MARCHF1: variants seen among roughly 807,000 people sequenced by gnomAD.
MARCHF1 encodes the protein E3 ubiquitin-protein ligase MARCHF1.
In MARCHF1, 40 loss-of-function variants were observed where a neutral mutation model predicts 54.2. That is an observed-to-expected ratio of 0.74 (90% confidence interval 0.57 to 0.96). The LOEUF (loss-of-function observed/expected upper bound fraction) is 0.96. MARCHF1 is among the 40% of genes least tolerant of loss of function. MARCHF1 has a pLI of 0.00. For synonymous variants in MARCHF1, 236 were observed against 236.3 expected, an observed-to-expected ratio of 1.00 and a Z score of 0.01; for missense variants, 586 against 656.5, an observed-to-expected ratio of 0.89 and a Z score of 1.17.
rs1201029767 is a variant in MARCHF1 at position 163,796,290 on chromosome 4, G to A, written c.111+57731C>T. Reference sequence around the variant, plus strand: ...CACACAGGCTGGAGTGCAGTGGCACGATCACAGCTAACTGCAACCTCCGCC... The same window carrying A: ...CACACAGGCTGGAGTGCAGTGGCACAATCACAGCTAACTGCAACCTCCGCC... On this transcript the variant is annotated intron_variant, in intron 4 of 9. Coordinates refer to ENST00000514618, the MANE Select transcript of MARCHF1 (RefSeq NM_001394959.1). Among the ~76,000 whole-genome samples, 4 of 136,526 alleles carry A rather than the reference G, an allele frequency of 2.9e-5. No individual in the cohort carries two copies. In the Admixed American group the frequency reaches 3.3e-4, roughly 11 times the overall value. The allele number at this position is 136,526 out of a possible 152,430, so 89.6% of individuals were successfully genotyped here.
chr4:164,277,097 C>T (rs1007945868), intron 1 of MARCHF1, among the ~76,000 whole-genome samples: 56 of 151,726 alleles, frequency 3.7e-4, no homozygotes, highest in African/African-American at 1.4e-3. Context: ...GGCTTTTGAA[C>T]CATTTGTTCC....
chr4:163,593,809 A>C (rs79081515), intron 7 of MARCHF1, among the ~76,000 whole-genome samples: 5,441 of 152,320 alleles, frequency 0.036, 323 homozygotes, highest in African/African-American at 0.12. Context: ...AGTACAAAAT[A>C]CTGATGTTTT....
rs991092973 is a variant in MARCHF1 at position 163,892,833 on chromosome 4, G to A, written c.-38-38664C>T. ...TAGTTATAGATGCTGACATAGACAA[G>A]AGGCTCCAGGGTTAGAGACAAATGG... On this transcript the variant is annotated intron_variant, in intron 3 of 9. Transcript: ENST00000514618. Among the ~76,000 whole-genome samples the A allele has an allele frequency of 6.4e-4, 97 of 152,164 alleles. 1 individual carries two copies. Among genetic ancestry groups the A allele is most frequent in the African/African-American group, 2.2e-3 (91 of 41,538 alleles).
chr4:164,244,842 A>G (rs1408536791), intron 1 of MARCHF1, among the ~76,000 whole-genome samples: 2 of 152,008 alleles, frequency 1.3e-5, no homozygotes, highest in African/African-American at 2.4e-5. Flanking sequence ...CTACGCAAAT[A>G]AACTAGAAAA....
rs4234967 is a variant in MARCHF1 at position 164,303,918 on chromosome 4, G to C, written c.-323+79952C>G. On this transcript the variant is annotated intron_variant, in intron 1 of 9. Coordinates refer to ENST00000514618, the MANE Select transcript of MARCHF1 (RefSeq NM_001394959.1). ...CCCCTATGGGCATTATTGGGTAATCGACACTCCGAGTGATGAATCCAAATA... is the reference window on the plus strand; with the variant it reads ...CCCCTATGGGCATTATTGGGTAATCCACACTCCGAGTGATGAATCCAAATA... Among the ~76,000 whole-genome samples the C allele has an allele frequency of 2.4e-3, 372 of 152,070 alleles. 1 individual carries two copies. The highest frequency in any genetic ancestry group is 8.3e-3 in the African/African-American group (344 of 41,478).
chr4:163,581,800 T>C (rs982096932), intron 8 of MARCHF1, among the ~76,000 whole-genome samples: 5 of 152,208 alleles, frequency 3.3e-5, no homozygotes, highest in African/African-American at 7.2e-5. Context: ...CTATGAACTT[T>C]CCAATTTTCA....
chr4:164,240,728 A>G (rs980496886), intron 1 of MARCHF1, among the ~76,000 whole-genome samples: 6 of 152,110 alleles, frequency 3.9e-5, no homozygotes, highest in African/African-American at 1.2e-4. Flanking sequence ...CATGGGACAA[A>G]CTGACTATGG....
At chr4:163,553,169 A>G (rs916347385) in intron 8 of MARCHF1, among the ~76,000 whole-genome samples, 2 of 152,242 alleles carry the variant, frequency 1.3e-5, no homozygotes, top group South Asian at 4.1e-4. Flanking sequence ...GGTGATTAGA[A>G]TAGAACCTAC....
At chr4:164,124,023 G>T (rs946504351) in intron 1 of MARCHF1, among the ~76,000 whole-genome samples, 12 of 151,828 alleles carry the variant, frequency 7.9e-5, no homozygotes, top group Non-Finnish European at 1.8e-4. Context: ...ATTAATAACA[G>T]AATATACAAG....
chr4:164,227,731 A>C (rs1046704643), intron 1 of MARCHF1, among the ~76,000 whole-genome samples: 8 of 152,114 alleles, frequency 5.3e-5, no homozygotes, highest in African/African-American at 1.7e-4. Flanking sequence ...TTAAAAAAAA[A>C]CTATATGTTT....
At chr4:163,930,456 G>A (rs544028441) in intron 3 of MARCHF1, among the ~76,000 whole-genome samples, 107 of 150,886 alleles carry the variant, frequency 7.1e-4, no homozygotes, top group African/African-American at 2.4e-3. Context: ...AAGGACTTGT[G>A]GTTTGGGCCT....
intron 9 of MARCHF1, among the ~76,000 whole-genome samples, chr4:163,537,554 C>G (rs1738579043): frequency 6.6e-6 from 1 of 152,138 alleles, no homozygotes; most frequent in Admixed American, 6.6e-5. Context: ...TTATCTGAGG[C>G]CCAAGAACCC....
chr4:163,648,314 T>G (rs550923549), intron 5 of MARCHF1, among the ~76,000 whole-genome samples: 1 of 151,992 alleles, frequency 6.6e-6, no homozygotes, highest in South Asian at 2.1e-4. Flanking sequence ...TTCAAGATAT[T>G]AGGCTTGATT....
At chr4:163,599,419 TAC>T (rs35573046) in intron 7 of MARCHF1, among the ~76,000 whole-genome samples, 137,915 of 151,434 alleles carry the variant, frequency 0.91, 62,789 homozygotes, top group Admixed American at 0.94. Flanking sequence ...AAAACACACA[TAC>T]ACACACACAC....
At chr4:163,747,232 A>G (rs1746388979) in intron 4 of MARCHF1, among the ~76,000 whole-genome samples, 1 of 152,212 alleles carries the variant, frequency 6.6e-6, no homozygotes, top group Non-Finnish European at 1.5e-5. Context: ...GAGAATTTGT[A>G]ACTATTGCCA....
At chr4:164,194,183 A>AT (rs975419863) in intron 1 of MARCHF1, among the ~76,000 whole-genome samples, 1 of 152,050 alleles carries the variant, frequency 6.6e-6, no homozygotes, top group Non-Finnish European at 1.5e-5. Context: ...CACAAGCTCC[A>AT]TTTTTTTCTG....
chr4:163,618,209 G>A (rs77021016), intron 5 of MARCHF1, among the ~76,000 whole-genome samples: 14,005 of 152,124 alleles, frequency 0.092, 866 homozygotes, highest in East Asian at 0.24. Flanking sequence ...CTGAATCCTC[G>A]GCCCTCTTCT....
At chr4:163,959,731 A>G (rs757384610) in intron 3 of MARCHF1, among the ~76,000 whole-genome samples, 3 of 152,204 alleles carry the variant, frequency 2.0e-5, no homozygotes, top group Non-Finnish European at 4.4e-5. Flanking sequence ...AACCTAGTCA[A>G]TACCATCCTG....
At chr4:163,558,659 G>A (rs1255267071) in intron 8 of MARCHF1, among the ~76,000 whole-genome samples, 1 of 152,192 alleles carries the variant, frequency 6.6e-6, no homozygotes, top group African/African-American at 2.4e-5. Flanking sequence ...GTGTGGATTG[G>A]CTCAGGCCAG....
Sources: gnomAD v4.1 joint callset for allele counts (sites outside exome capture counted in the v4.1 genomes callset) on GRCh38, gnomAD v4.1.1 for gene constraint, MANE v1.5 for transcripts, NCBI Gene and HGNC (gene_info 2026-07-23, HGNC 2026-07-21) for gene names.